RALA: variants seen among roughly 807,000 people sequenced by gnomAD.
RALA encodes the protein ras-related protein Ral-A.
Under a neutral mutation model 24.0 loss-of-function variants are expected in RALA, and 5 were observed. The observed-to-expected ratio is 0.21, with a 90% confidence interval of 0.11 to 0.44. The LOEUF is 0.44. RALA is among the 20% of genes least tolerant of loss of function. The pLI is 0.99. For missense variants in RALA, 95 were observed against 241.2 expected, an observed-to-expected ratio of 0.39 and a Z score of 4.01; for synonymous variants, 77 against 83.8, an observed-to-expected ratio of 0.92 and a Z score of 0.44.
At chr7:39,663,827 T>A (rs187115417) in intron 1 of RALA, among the ~76,000 whole-genome samples, 8 of 152,200 alleles carry the variant, frequency 5.3e-5, no homozygotes, top group African/African-American at 1.9e-4. Flanking sequence ...AGCTGTAGAC[T>A]CCAATGTGAT....
In RALA at chr7:39,697,575, A is replaced by G. The variant is rs1417247054; in HGVS notation, c.498+716A>G. The G allele has an allele frequency of 1.1e-5, 4 of 367,024 alleles. No homozygotes were observed. The East Asian group carries it at 2.9e-4, about 27-fold the overall frequency. 22.7% of individuals were successfully genotyped at this position (367,024 alleles called of 1,614,324 possible). A position where few individuals can be genotyped will look rare whatever the true frequency, so the allele number is the denominator to read the frequency against. On this transcript the variant is annotated intron_variant, in intron 4 of 4. Transcript: ENST00000005257. ...TTCAGCCTGCAAGTATCTAGGCTCT[A>G]TAGTGTGCCTCTCAAGCTCCAATAG...
intron 1 of RALA, among the ~76,000 whole-genome samples, chr7:39,671,065 C>G (rs192360779): frequency 6.6e-6 from 1 of 152,146 alleles, no homozygotes; most frequent in East Asian, 1.9e-4. Context: ...GTTCATTTGA[C>G]TCTTTTTTTT....
chr7:39,676,827 G>A (rs1270948954), intron 1 of RALA, among the ~76,000 whole-genome samples: 1 of 152,174 alleles, frequency 6.6e-6, no homozygotes, highest in Non-Finnish European at 1.5e-5. Flanking sequence ...TTAGAGTCTG[G>A]ATTGGAGATC....
rs770503069 is a variant in RALA at position 39,686,619 on chromosome 7, C to T, written c.-37-12C>T. 3.5e-6 allele frequency: 5 copies of T among 1,413,018 alleles called. No homozygotes were observed. In the South Asian group the frequency reaches 4.6e-5, roughly 13 times the overall value. The allele number at this position is 1,413,018 out of a possible 1,614,324, so 87.5% of individuals were successfully genotyped here. A position where few individuals can be genotyped will look rare whatever the true frequency, so the allele number is the denominator to read the frequency against. Reference sequence around the variant, plus strand: ...ATGTACTGAGCATTACTTATTCTTTCATTCTTCTTAGATTCTTCTTAATCC... The same window carrying T: ...ATGTACTGAGCATTACTTATTCTTTTATTCTTCTTAGATTCTTCTTAATCC... On this transcript the variant is annotated splice_polypyrimidine_tract_variant and intron_variant, in intron 1 of 4. Transcript: ENST00000005257.
intron 1 of RALA, among the ~76,000 whole-genome samples, chr7:39,645,384 A>G (rs1040932436): frequency 2.0e-5 from 3 of 152,164 alleles, no homozygotes; most frequent in African/African-American, 7.2e-5. Context: ...TTTGAGATGA[A>G]TGTTGTTACT....
intron 1 of RALA, among the ~76,000 whole-genome samples, chr7:39,669,191 A>G (rs1792339185): frequency 6.6e-6 from 1 of 152,150 alleles, no homozygotes; most frequent in African/African-American, 2.4e-5. Flanking sequence ...ATGTATAAGA[A>G]TTTAATACAT....
chr7:39,663,739 C>A (rs1326581035), intron 1 of RALA, among the ~76,000 whole-genome samples: 1 of 152,044 alleles, frequency 6.6e-6, no homozygotes, highest in Non-Finnish European at 1.5e-5. Flanking sequence ...GAAAATTCAG[C>A]TTTTATGAGG....
At chr7:39,701,565 T>C (rs77032006) in intron 4 of RALA, among the ~76,000 whole-genome samples, 1 of 152,128 alleles carries the variant, frequency 6.6e-6, no homozygotes, top group Non-Finnish European at 1.5e-5. Context: ...CCATTTCTTA[T>C]GTCATCCACT....
intron 1 of RALA, among the ~76,000 whole-genome samples, chr7:39,655,300 A>G (rs1206715783): frequency 6.6e-6 from 1 of 152,234 alleles, no homozygotes; most frequent in African/African-American, 2.4e-5. Flanking sequence ...TGTCAAAATT[A>G]TGCTTACTGA....
intron 3 of RALA, among the ~76,000 whole-genome samples, chr7:39,692,759 T>G (rs1263431425): frequency 6.6e-6 from 1 of 152,130 alleles, no homozygotes; most frequent in African/African-American, 2.4e-5. Flanking sequence ...AGGTATTTAT[T>G]AAGAAATAAA....
At chr7:39,653,645 T>TTATATATGTTATATGAGAATAA (rs1282231995) in intron 1 of RALA, among the ~76,000 whole-genome samples, 33 of 152,360 alleles carry the variant, frequency 2.2e-4, no homozygotes, top group African/African-American at 7.7e-4. Flanking sequence ...ATATGAAGTG[T>TTATATATGTTATATGAGAATAA]CACCTCAGCT....
At position 39,690,421 on chromosome 7, in the gene RALA, C is replaced by A; in HGVS notation, c.154C>A (p.Arg52=). Residue 52 remains arginine (R), a synonymous_variant, in exon 3 of 5, where the codon CGG becomes AGG. Coordinates refer to ENST00000005257, the MANE Select transcript of RALA (RefSeq NM_005402.4). Reference sequence around the variant, plus strand: ...TGAGCCTACCAAAGCAGACAGCTATCGGAAGAAGGTAGTGCTAGATGGGGA... The same window carrying A: ...TGAGCCTACCAAAGCAGACAGCTATAGGAAGAAGGTAGTGCTAGATGGGGA... ...DYEPTKADSY[R]KKVVLDGEEV... is the part of the protein sequence containing the mutation. The A allele has an allele frequency of 1.2e-6, 2 of 1,613,936 alleles. No homozygotes were observed. Among genetic ancestry groups the A allele is most frequent in the Non-Finnish European group, 1.7e-6 (2 of 1,179,910 alleles).
At chr7:39,652,460 T>A (rs1178457787) in intron 1 of RALA, among the ~76,000 whole-genome samples, 2 of 152,218 alleles carry the variant, frequency 1.3e-5, no homozygotes, top group African/African-American at 4.8e-5. Context: ...ATAGTAGGGC[T>A]TCTAGGGATG....
At chr7:39,674,178 C>T (rs1214953033) in intron 1 of RALA, among the ~76,000 whole-genome samples, 1 of 152,144 alleles carries the variant, frequency 6.6e-6, no homozygotes, top group Non-Finnish European at 1.5e-5. Flanking sequence ...CTCCTGGGCT[C>T]AAACCATCCT....
intron 2 of RALA, among the ~76,000 whole-genome samples, chr7:39,688,649 C>T (rs952471056): frequency 6.6e-6 from 1 of 150,532 alleles, no homozygotes; most frequent in Non-Finnish European, 1.5e-5. Flanking sequence ...TCTCAGCTCA[C>T]TGCAACCTCC....
intron 4 of RALA, among the ~76,000 whole-genome samples, chr7:39,699,157 G>A (rs892989496): frequency 1.1e-5 from 1 of 90,886 alleles, no homozygotes; most frequent in Non-Finnish European, 2.2e-5. Flanking sequence ...TTTTTGAGAC[G>A]GAGTCTCGCT....
intron 2 of RALA, among the ~76,000 whole-genome samples, chr7:39,689,625 T>C (rs181681781): frequency 1.3e-3 from 198 of 152,228 alleles, no homozygotes; most frequent in African/African-American, 4.6e-3. Flanking sequence ...AACAATGATA[T>C]CAAAAGATAG....
chr7:39,699,691 G>A (rs1792988668), intron 4 of RALA, among the ~76,000 whole-genome samples: 1 of 152,292 alleles, frequency 6.6e-6, no homozygotes, highest in East Asian at 1.9e-4. Flanking sequence ...GTAGCTTGCT[G>A]CCATGTGTTT....
rs142573423 is a variant in RALA at position 39,695,039 on chromosome 7, A to T, written c.324-1646A>T. Among the ~76,000 whole-genome samples the T allele has an allele frequency of 2.4e-3, 363 of 151,808 alleles. 2 individuals are homozygous for T. Among genetic ancestry groups the T allele is most frequent in the African/African-American group, 8.5e-3 (350 of 41,350 alleles). On this transcript the variant is annotated intron_variant, in intron 3 of 4. Transcript: ENST00000005257. The stretch of plus-strand genomic sequence containing the variant: ...ATGCCACTGCACTACAGCCTGGGTG[A>T]CAGAGTAAGACCCTGTCTCAAAAAA...
Sources: allele counts gnomAD v4.1 joint callset (sites outside exome capture counted in the v4.1 genomes callset), GRCh38; gene constraint gnomAD v4.1.1; transcripts MANE v1.5; gene names NCBI Gene and HGNC (gene_info 2026-07-23, HGNC 2026-07-21).